COL27A1: variants seen among roughly 807,000 people sequenced by gnomAD.
COL27A1 encodes collagen type XXVII alpha 1 chain.
In COL27A1, 106 loss-of-function variants were observed where a neutral mutation model predicts 251.3. That is an observed-to-expected ratio of 0.42 (90% CI 0.36 to 0.50). The LOEUF (loss-of-function observed/expected upper bound fraction) is 0.50, where lower values mean the gene tolerates loss of function less well. Among genes scored for constraint, COL27A1 ranks in the 20% least tolerant of loss-of-function variants. The probability of loss-of-function intolerance (pLI) is 0.00; values close to 1 mark genes in which losing one functional copy is unlikely to be tolerated. For missense variants in COL27A1, 2,325 were observed against 2,522.8 expected (o/e 0.92, Z 1.68); for synonymous variants, 1,000 against 986.3 (o/e 1.01, Z -0.26).
chr9:114,246,459 C>G (rs1833137266), intron 24 of COL27A1, among the ~76,000 whole-genome samples: 1 of 152,200 alleles, frequency 6.6e-6, no homozygotes, highest in African/African-American at 2.4e-5. Context: ...CAATTAAAGT[C>G]CAGAGAAACA....
intron 4 of COL27A1, among the ~76,000 whole-genome samples, chr9:114,182,262 G>C (rs1827985857): frequency 6.6e-6 from 1 of 151,592 alleles, no homozygotes. Flanking sequence ...TGGAGTCCCA[G>C]CTACTCAGGA....
At chr9:114,219,940 T>C in intron 13 of COL27A1, 96 bp downstream of exon 13, 2 of 922,426 alleles carry the variant, frequency 2.2e-6, no homozygotes, top group African/African-American at 1.6e-5. Context: ...CAGACCTGGG[T>C]CAAATCCCAG....
chr9:114,197,319 C>T (rs559539798), intron 7 of COL27A1, among the ~76,000 whole-genome samples: 3 of 152,278 alleles, frequency 2.0e-5, no homozygotes, highest in Admixed American at 6.5e-5. Flanking sequence ...TGCAGGACCT[C>T]GTTCCCCCAT....
In COL27A1 at chr9:114,265,488, T is replaced by A; in HGVS notation, c.3393+13T>A. 1 of 1,613,388 alleles carries A rather than the reference T, an allele frequency of 6.2e-7. No individual in the cohort carries two copies. Among genetic ancestry groups the A allele is most frequent in the Non-Finnish European group, 8.5e-7 (1 of 1,179,552 alleles). ...CCCAGGAGAACCGGTAAGAGCCCTT[T>A]CCTTCCCTCTTCTGCTTCTTTGCCG... On this transcript the variant is annotated intron_variant, in intron 32 of 60. Coordinates refer to ENST00000356083, the MANE Select transcript of COL27A1 (RefSeq NM_032888.4).
intron 7 of COL27A1, 61 bp from the exon 8 acceptor site, chr9:114,205,041 T>G: frequency 1.3e-6 from 2 of 1,548,714 alleles, no homozygotes; most frequent in African/African-American, 1.4e-5. Flanking sequence ...GCTGGGCCCT[T>G]GCGATCTCCA....
Position 114,222,400 on chromosome 9 carries a change from G to A in COL27A1, c.2466+133G>A, listed in dbSNP as rs891106086. On this transcript the variant is annotated intron_variant, in intron 14 of 60. Transcript: ENST00000356083. ...CTTCTCTCATCAAACCCCCAGAGGG[G>A]CTGGGGGGCCAGGAGAGACCAACCT... The A allele has an allele frequency of 7.2e-6, 6 of 830,214 alleles. No individual in the cohort carries two copies. In the African/African-American group the frequency reaches 8.5e-5, roughly 12 times the overall value. The allele number at this position is 830,214 out of a possible 1,614,324, so 51.4% of individuals were successfully genotyped here.
At chr9:114,177,964 G>C (rs550610050) in intron 3 of COL27A1, among the ~76,000 whole-genome samples, 1 of 152,340 alleles carries the variant, frequency 6.6e-6, no homozygotes, top group African/African-American at 2.4e-5. Context: ...CTTCTAAGCA[G>C]ATAATTCCCC....
At chr9:114,206,353 C>T (rs2135307187) in intron 10 of COL27A1, 57 bp downstream of exon 10, 1 of 1,543,450 alleles carries the variant, frequency 6.5e-7, no homozygotes, top group East Asian at 2.2e-5. Context: ...CATCACCTGT[C>T]CCTCCAGTGG....
chr9:114,194,027 G>A (rs867917035), intron 5 of COL27A1, among the ~76,000 whole-genome samples: 1 of 152,186 alleles, frequency 6.6e-6, no homozygotes, highest in South Asian at 2.1e-4. Context: ...GCAACAGCCT[G>A]GTCGCAGGAC....
intron 4 of COL27A1, among the ~76,000 whole-genome samples, chr9:114,179,029 G>A (rs920049088): frequency 6.6e-6 from 1 of 152,140 alleles, no homozygotes; most frequent in Non-Finnish European, 1.5e-5. Flanking sequence ...CCATATACTG[G>A]AACCCTTGGA....
chr9:114,301,008 C>G (rs572120704), intron 51 of COL27A1, 64 bp from the exon 52 acceptor site: 2 of 1,509,644 alleles, frequency 1.3e-6, no homozygotes, highest in South Asian at 1.3e-5. Flanking sequence ...CCCTCCACCC[C>G]GCTCCCCGTG....
At position 114,206,265 on chromosome 9, in the gene COL27A1, C is replaced by T. The variant is rs745396604; in HGVS notation, c.2237C>T (p.Pro746Leu). 108 of 1,614,032 alleles carry T rather than the reference C, an allele frequency of 6.7e-5. No individual in the cohort carries two copies. The highest frequency in any genetic ancestry group is 8.1e-5 in the Non-Finnish European group (96 of 1,180,006). The change falls in exon 10 of 61, where the codon CCG becomes CTG. Residue 746 changes from proline (P) to leucine (L), a missense_variant. By Grantham distance (98) the Pro-to-Leu change is moderately conservative. Transcript: ENST00000356083. The stretch of plus-strand genomic sequence containing the variant: ...TTTGTGTTTCAGGGGTTACCTGGAC[C>T]GGTAGGAGATCCCGGCCCCAAAGGC... ...GYPGRQGLPG[P>L]VGDPGPKGSR... is the part of the protein sequence containing the mutation.
At chr9:114,304,791 G>A (rs1828912049) in intron 57 of COL27A1, 118 bp downstream of exon 57, 1 of 851,176 alleles carries the variant, frequency 1.2e-6, no homozygotes, top group African/African-American at 1.7e-5. Context: ...CAGAGTCCTG[G>A]TCTTGGTGGC....
At chr9:114,181,480 A>G (rs73656008) in intron 4 of COL27A1, among the ~76,000 whole-genome samples, 2,760 of 152,222 alleles carry the variant, frequency 0.018, 87 homozygotes, top group African/African-American at 0.063. Flanking sequence ...GGGAAGAAGA[A>G]AGCAGTTCAC....
intron 3 of COL27A1, among the ~76,000 whole-genome samples, chr9:114,170,302 T>C (rs1055168396): frequency 6.6e-6 from 1 of 152,200 alleles, no homozygotes; most frequent in Non-Finnish European, 1.5e-5. Context: ...TCAGGGTCGA[T>C]GCCTCCGGCT....
At chr9:114,265,746 G>A (rs1834697478) in intron 32 of COL27A1, among the ~76,000 whole-genome samples, 1 of 152,226 alleles carries the variant, frequency 6.6e-6, no homozygotes, top group South Asian at 2.1e-4. Flanking sequence ...ATGCGAAAAT[G>A]TATAGGGAGT....
chr9:114,219,956 T>C (rs574014115), intron 13 of COL27A1, 112 bp downstream of exon 13: 1 of 806,324 alleles, frequency 1.2e-6, no homozygotes, highest in East Asian at 2.5e-5. Context: ...CCCAGCCCTG[T>C]GAAGTACCAG....
At chr9:114,258,657 C>A in intron 28 of COL27A1, 63 bp downstream of exon 28, 2 of 1,533,632 alleles carry the variant, frequency 1.3e-6, no homozygotes, top group Admixed American at 1.7e-5. Context: ...GGAACAGGGC[C>A]ATCTGCCAGA....
chr9:114,235,676 C>G lies in COL27A1; in HGVS notation c.2619+24C>G, dbSNP rs538576144. ...AGGTAATTGCATGAGATTTTCCCCT[C>G]CCCCTGCCCCTGCCCCTGCCCTGCT... On this transcript the variant is annotated intron_variant, in intron 17 of 60. Coordinates refer to ENST00000356083, the MANE Select transcript of COL27A1 (RefSeq NM_032888.4). 12 of 1,585,164 alleles carry G rather than the reference C, an allele frequency of 7.6e-6. No homozygotes were observed. In the African/African-American group the frequency reaches 1.5e-4, roughly 20 times the overall value.
Sources: gnomAD v4.1 joint callset for allele counts (sites outside exome capture counted in the v4.1 genomes callset) on GRCh38, gnomAD v4.1.1 for gene constraint, MANE v1.5 for transcripts, NCBI Gene and HGNC (gene_info 2026-07-23, HGNC 2026-07-21) for gene names.